RAB31: variants seen among roughly 807,000 people sequenced by gnomAD.
The protein encoded by RAB31 is RAB31, member RAS oncogene family, also known as ras-related protein Rab-31.
In RAB31, 21 loss-of-function variants were observed where a neutral mutation model predicts 25.6. The observed-to-expected ratio is 0.82, with a 90% CI of 0.58 to 1.18. The LOEUF (loss-of-function observed/expected upper bound fraction) is 1.18, where lower values mean the gene tolerates loss of function less well. Among genes scored for constraint, RAB31 ranks in the 50% most tolerant of loss-of-function variants. The pLI is 0.00. For missense variants in RAB31, 196 were observed against 250.1 expected, an observed-to-expected ratio of 0.78 and a Z score of 1.46; for synonymous variants, 87 against 84.0, an observed-to-expected ratio of 1.04 and a Z score of -0.20.
chr18:9,829,891 TA>T (rs1340280913), intron 5 of RAB31, among the ~76,000 whole-genome samples: 2 of 152,204 alleles, frequency 1.3e-5, no homozygotes, highest in African/African-American at 2.4e-5. Context: ...TTTTAGGATT[TA>T]AAAAAATATA....
rs2068836035 is a variant in RAB31, at chr18:9,859,388, G to A, written c.*63G>A. On this transcript the variant is annotated 3_prime_UTR_variant, in exon 7 of 7. Coordinates refer to ENST00000578921, the MANE Select transcript of RAB31 (RefSeq NM_006868.4). ...AGCCCACATCCTGTGCACTGCTGAA[G>A]GACCCTACGCTCGGTGGCCTGGCAC... 1 of 1,435,096 alleles carries A rather than the reference G, an allele frequency of 7.0e-7. No homozygotes were observed. 88.9% of individuals were successfully genotyped at this position (1,435,096 alleles called of 1,614,324 possible).
chr18:9,812,790 C>T (rs193029975), intron 3 of RAB31, among the ~76,000 whole-genome samples: 7 of 147,812 alleles, frequency 4.7e-5, no homozygotes, highest in African/African-American at 1.5e-4. Flanking sequence ...CTCTGCCTCC[C>T]GGGTTCTAGC....
intron 1 of RAB31, among the ~76,000 whole-genome samples, chr18:9,717,514 T>C (rs991862960): frequency 1.3e-5 from 2 of 151,544 alleles, no homozygotes; most frequent in African/African-American, 4.8e-5. Flanking sequence ...GAGAGCTAGA[T>C]GCCTTTCTAT....
At chr18:9,852,609 A>C (rs777064427) in intron 6 of RAB31, among the ~76,000 whole-genome samples, 1 of 150,706 alleles carries the variant, frequency 6.6e-6, no homozygotes, top group Non-Finnish European at 1.5e-5. Flanking sequence ...TTTTTTCCTG[A>C]ATAGTATTCC....
At chr18:9,774,100 TA>T (rs2068359741) in intron 1 of RAB31, among the ~76,000 whole-genome samples, 2 of 152,250 alleles carry the variant, frequency 1.3e-5, no homozygotes, top group South Asian at 4.1e-4. Flanking sequence ...TTGAAAAAGT[TA>T]AAAATGTAAG....
At chr18:9,844,994 G>T (rs1451417855) in intron 5 of RAB31, 2 of 152,216 alleles carry the variant, frequency 1.3e-5, no homozygotes, top group Admixed American at 1.3e-4. Context: ...CTCCCGAGGA[G>T]ATTTTTTTAA....
intron 3 of RAB31, 89 bp from the exon 4 acceptor site, chr18:9,813,931 G>A (rs780435237): frequency 2.2e-5 from 18 of 816,948 alleles, no homozygotes; most frequent in Middle Eastern, 2.3e-4. Context: ...ATCCTGTAAG[G>A]ATGATGTAGG....
intron 6 of RAB31, among the ~76,000 whole-genome samples, chr18:9,858,290 C>T (rs1034004455): frequency 1.3e-5 from 2 of 152,118 alleles, no homozygotes; most frequent in African/African-American, 2.4e-5. Flanking sequence ...ATTCACAGGG[C>T]GAGGTGAGGA....
intron 2 of RAB31, 66 bp from the exon 3 acceptor site, chr18:9,792,087 GT>G: frequency 1.3e-6 from 2 of 1,542,064 alleles, no homozygotes; most frequent in Non-Finnish European, 1.8e-6. Flanking sequence ...CATTTAACTT[GT>G]TTGATTTGTG....
chr18:9,796,042 A>G (rs1169007759), intron 3 of RAB31, among the ~76,000 whole-genome samples: 1 of 152,220 alleles, frequency 6.6e-6, no homozygotes, highest in African/African-American at 2.4e-5. Flanking sequence ...ATACAATACT[A>G]CTGAATACTA....
chr18:9,727,974 T>A (rs1568163498), intron 1 of RAB31, among the ~76,000 whole-genome samples: 3 of 152,230 alleles, frequency 2.0e-5, no homozygotes, highest in Non-Finnish European at 2.9e-5. Context: ...TCAGTCTTTT[T>A]AAAGTTGTTT....
chr18:9,720,170 G>A (rs1475647070), intron 1 of RAB31, among the ~76,000 whole-genome samples: 2 of 152,130 alleles, frequency 1.3e-5, no homozygotes, highest in African/African-American at 2.4e-5. Context: ...CGCCATGTTG[G>A]CCAGGCTGGT....
intron 1 of RAB31, among the ~76,000 whole-genome samples, chr18:9,737,568 G>A (rs566182428): frequency 2.4e-4 from 36 of 152,134 alleles, no homozygotes; most frequent in Non-Finnish European, 4.1e-4. Flanking sequence ...CTACACTAAC[G>A]AGCAGATGAC....
At chr18:9,729,334 T>C (rs992913724) in intron 1 of RAB31, among the ~76,000 whole-genome samples, 1 of 152,104 alleles carries the variant, frequency 6.6e-6, no homozygotes, top group East Asian at 1.9e-4. Context: ...GAGACCATCC[T>C]GTCTAACATG....
intron 2 of RAB31, among the ~76,000 whole-genome samples, chr18:9,779,417 A>G (rs1378100003): frequency 6.6e-6 from 1 of 152,204 alleles, no homozygotes; most frequent in Non-Finnish European, 1.5e-5. Flanking sequence ...ATGCAGGTAT[A>G]CAAGCTAAAA....
intron 6 of RAB31, among the ~76,000 whole-genome samples, chr18:9,858,400 A>G (rs2068830078): frequency 6.6e-6 from 1 of 152,208 alleles, no homozygotes; most frequent in African/African-American, 2.4e-5. Context: ...TAAAATTCAC[A>G]TACCATACAT....
intron 2 of RAB31, among the ~76,000 whole-genome samples, chr18:9,781,730 A>T (rs978886298): frequency 1.2e-4 from 18 of 152,120 alleles, no homozygotes; most frequent in African/African-American, 2.4e-4. Context: ...ATTGATGAAA[A>T]TTTTCCCTCT....
At chr18:9,818,404 T>TA (rs1365662520) in intron 5 of RAB31, among the ~76,000 whole-genome samples, 3 of 152,222 alleles carry the variant, frequency 2.0e-5, no homozygotes, top group Non-Finnish European at 4.4e-5. Flanking sequence ...TGGTAATCAC[T>TA]AATGTACCTT....
chr18:9,798,318 T>A (rs2068496510), intron 3 of RAB31, among the ~76,000 whole-genome samples: 1 of 152,042 alleles, frequency 6.6e-6, no homozygotes, highest in Non-Finnish European at 1.5e-5. Context: ...CCTGGTGGAG[T>A]CTTGCATCTC....
Sources: gnomAD v4.1 joint callset for allele counts (sites outside exome capture counted in the v4.1 genomes callset) on GRCh38, gnomAD v4.1.1 for gene constraint, MANE v1.5 for transcripts, NCBI Gene and HGNC (gene_info 2026-07-23, HGNC 2026-07-21) for gene names.